PLCG2: variants seen among roughly 807,000 people sequenced by gnomAD.
PLCG2 encodes 1-phosphatidylinositol 4,5-bisphosphate phosphodiesterase gamma-2.
Under a neutral mutation model 175.6 loss-of-function variants are expected in PLCG2, and 69 were observed. The observed-to-expected ratio is 0.39, with a 90% CI of 0.32 to 0.48. PLCG2 has a LOEUF of 0.48. Among genes scored for constraint, PLCG2 ranks in the 20% least tolerant of loss-of-function variants. PLCG2 has a pLI of 0.91. For missense variants in PLCG2, 1,798 were observed against 1,650.9 expected, an observed-to-expected ratio of 1.09 and a Z score of -1.54; for synonymous variants, 827 against 624.0, an observed-to-expected ratio of 1.33 and a Z score of -4.85.
intron 7 of PLCG2, among the ~76,000 whole-genome samples, chr16:81,878,631 C>T (rs1355864442): frequency 6.6e-6 from 1 of 152,172 alleles, no homozygotes; most frequent in East Asian, 1.9e-4. Flanking sequence ...TTGTTTCCAT[C>T]CCTGCCTCCT....
intron 1 of PLCG2, among the ~76,000 whole-genome samples, chr16:81,745,508 T>C (rs931794023): frequency 6.6e-6 from 1 of 152,158 alleles, no homozygotes; most frequent in Non-Finnish European, 1.5e-5. Context: ...GACTAACTAA[T>C]AGCCACTGGC....
intron 19 of PLCG2, among the ~76,000 whole-genome samples, chr16:81,916,838 A>T (rs1328196288): frequency 6.6e-6 from 1 of 152,080 alleles, no homozygotes; most frequent in Non-Finnish European, 1.5e-5. Flanking sequence ...GGGTTTCACC[A>T]TGTTGGCCAG....
At chr16:81,831,895 T>C (rs146675777) in intron 2 of PLCG2, among the ~76,000 whole-genome samples, 1 of 152,352 alleles carries the variant, frequency 6.6e-6, no homozygotes, top group Non-Finnish European at 1.5e-5. Context: ...AATGAAGGGC[T>C]GGCTTGCTAA....
chr16:81,848,753 T>A (rs534576940), intron 2 of PLCG2, among the ~76,000 whole-genome samples: 1 of 152,032 alleles, frequency 6.6e-6, no homozygotes, highest in Non-Finnish European at 1.5e-5. Flanking sequence ...TGGAGCTCAG[T>A]GGTGAAGAAG....
At chr16:81,899,256 G>C (rs1452092306) in intron 13 of PLCG2, among the ~76,000 whole-genome samples, 1 of 146,634 alleles carries the variant, frequency 6.8e-6, no homozygotes, top group East Asian at 1.9e-4. Context: ...TCCTGCCTCA[G>C]GAGGAGTATG....
chr16:81,849,968 A>G (rs1292547410), intron 2 of PLCG2, among the ~76,000 whole-genome samples: 1 of 152,344 alleles, frequency 6.6e-6, no homozygotes, highest in East Asian at 1.9e-4. Context: ...GTTTTTAGAT[A>G]ATTGCTAAAG....
intron 7 of PLCG2, among the ~76,000 whole-genome samples, chr16:81,876,586 GC>G (rs1907801666): frequency 6.6e-6 from 1 of 152,138 alleles, no homozygotes; most frequent in Admixed American, 6.5e-5. Flanking sequence ...TTTCCCTGTA[GC>G]CTTTTAGCTA....
At chr16:81,933,332 C>T (rs1004730660) in intron 25 of PLCG2, among the ~76,000 whole-genome samples, 1 of 152,208 alleles carries the variant, frequency 6.6e-6, no homozygotes, top group African/African-American at 2.4e-5. Context: ...AAGAAGGCCC[C>T]ATCCCACTCT....
intron 11 of PLCG2, 85 bp from the exon 12 acceptor site, chr16:81,893,624 C>T (rs1466431203): frequency 5.0e-6 from 4 of 798,000 alleles, no homozygotes; most frequent in Non-Finnish European, 8.7e-6. Flanking sequence ...CGGAGAAGTT[C>T]CCCCACAACA....
intron 28 of PLCG2, chr16:81,938,551 G>GGTGA: frequency 1.9e-6 from 1 of 531,428 alleles, no homozygotes; most frequent in East Asian, 3.1e-5. Context: ...CATGAGCTCA[G>GGTGA]GTGAGTTTTA....
Position 81,763,203 on chromosome 16 carries a change from C to G in PLCG2, c.-48+7237C>G, listed in dbSNP as rs1567696095. On this transcript the variant is annotated intron_variant, in intron 2 of 5. Transcript: ENST00000565054. ...TCCAGATGGGAGAACCCAGCCTCTCCTCCACTGCCGCAGATGATTCTGCTG... is the reference window on the plus strand; with the variant it reads ...TCCAGATGGGAGAACCCAGCCTCTCGTCCACTGCCGCAGATGATTCTGCTG... Among the ~76,000 whole-genome samples, 6 of 152,354 alleles carry G rather than the reference C, an allele frequency of 3.9e-5. No homozygotes were observed. In the South Asian group the frequency reaches 1.2e-3, roughly 32 times the overall value.
intron 12 of PLCG2, among the ~76,000 whole-genome samples, chr16:81,895,416 C>T (rs72820819): frequency 3.7e-4 from 57 of 152,178 alleles, no homozygotes; most frequent in African/African-American, 6.5e-4. Context: ...AAAAATTAGC[C>T]GAGCGTGATG....
intron 2 of PLCG2, among the ~76,000 whole-genome samples, chr16:81,814,008 T>C (rs1904430984): frequency 6.6e-6 from 1 of 152,150 alleles, no homozygotes; most frequent in South Asian, 2.1e-4. Context: ...CAGGGGCATC[T>C]CTCTGAGCCT....
chr16:81,961,679 C>A lies in PLCG2; in HGVS notation c.*3681C>A, dbSNP rs929317029. ...GGTAAGACTGATCATAAAAAAATGG[C>A]CCTGTTCATAAAATTTTTAAAAAGA... On this transcript the variant is annotated 3_prime_UTR_variant, in exon 33 of 33. Transcript: ENST00000564138. 6 of 211,644 alleles carry A rather than the reference C, an allele frequency of 2.8e-5. No homozygotes were observed. Among genetic ancestry groups the A allele is most frequent in the Non-Finnish European group, 5.7e-5 (6 of 104,704 alleles). 13.1% of individuals were successfully genotyped at this position (211,644 alleles called of 1,614,324 possible). A position where few individuals can be genotyped will look rare whatever the true frequency, so the allele number is the denominator to read the frequency against.
At chr16:81,799,008 C>T (rs1458606395) in intron 2 of PLCG2, 6 of 152,318 alleles carry the variant, frequency 3.9e-5, no homozygotes, top group Admixed American at 6.5e-5. Context: ...AAGGAGGGCC[C>T]GTGTCCCTGG....
chr16:81,903,727 C>A (rs989679287), intron 14 of PLCG2, among the ~76,000 whole-genome samples: 1 of 152,188 alleles, frequency 6.6e-6, no homozygotes, highest in African/African-American at 2.4e-5. Context: ...AGCCTGGTTG[C>A]ATGTGCTCTT....
chr16:81,880,638 T>G (rs1337948425), intron 7 of PLCG2, among the ~76,000 whole-genome samples: 1 of 152,214 alleles, frequency 6.6e-6, no homozygotes, highest in Non-Finnish European at 1.5e-5. Context: ...TGAATATCCC[T>G]AAAACAAATT....
chr16:81,838,561 A>T (rs890247481), intron 2 of PLCG2, among the ~76,000 whole-genome samples: 3 of 151,984 alleles, frequency 2.0e-5, no homozygotes, highest in African/African-American at 7.2e-5. Flanking sequence ...TTGAACAATG[A>T]GAACACATGG....
At chr16:81,802,557 GT>G (rs1911779784) in intron 2 of PLCG2, among the ~76,000 whole-genome samples, 1 of 151,970 alleles carries the variant, frequency 6.6e-6, no homozygotes. Context: ...CTATAGATTT[GT>G]TTTCTTTCTT....
Sources: gnomAD v4.1 joint callset for allele counts (sites outside exome capture counted in the v4.1 genomes callset) on GRCh38, gnomAD v4.1.1 for gene constraint, MANE v1.5 for transcripts, NCBI Gene and HGNC (gene_info 2026-07-23, HGNC 2026-07-21) for gene names.